CACHD1: variants seen among roughly 807,000 people sequenced by gnomAD.
CACHD1 encodes VWFA and cache domain-containing protein 1.
A neutral mutation model predicts 138.7 loss-of-function variants in CACHD1; 71 were observed. The observed-to-expected ratio is 0.51, with a 90% confidence interval of 0.42 to 0.62. The LOEUF (loss-of-function observed/expected upper bound fraction) is 0.62, where lower values mean the gene tolerates loss of function less well. Among genes scored for constraint, CACHD1 ranks in the 20% least tolerant of loss-of-function variants. The pLI is 0.00. For synonymous variants in CACHD1, 578 were observed against 591.5 expected (o/e 0.98, Z 0.33); for missense variants, 1,389 against 1,625.3 (o/e 0.85, Z 2.50).
chr1:64,603,296 G>C (rs1240086933), intron 4 of CACHD1, among the ~76,000 whole-genome samples: 3 of 151,726 alleles, frequency 2.0e-5, no homozygotes, highest in Admixed American at 2.0e-4. Flanking sequence ...AGTAGAGACG[G>C]GTTTTCACTG....
At position 64,520,423 on chromosome 1, in the gene CACHD1, A is replaced by G. The variant is rs1019004383; in HGVS notation, c.199-30171A>G. On this transcript the variant is annotated intron_variant, in intron 1 of 26. Transcript: ENST00000651257. ...TGGTGTTAATGAACATGGATGGTGG[A>G]AATATTTGCAGTGTGTCTTTCTGGA... Among the ~76,000 whole-genome samples the G allele has an allele frequency of 1.5e-4, 23 of 152,326 alleles. 3 individuals are homozygous for G. The highest frequency in any genetic ancestry group is 1.2e-3 in the Admixed American group (19 of 15,308).
At chr1:64,493,387 T>C (rs1646289261) in intron 1 of CACHD1, among the ~76,000 whole-genome samples, 1 of 152,196 alleles carries the variant, frequency 6.6e-6, no homozygotes, top group Non-Finnish European at 1.5e-5. Context: ...AAATATATAG[T>C]CGAGCACTTC....
intron 3 of CACHD1, among the ~76,000 whole-genome samples, chr1:64,588,230 G>T (rs1014288687): frequency 1.3e-5 from 2 of 152,026 alleles, no homozygotes; most frequent in African/African-American, 4.8e-5. Flanking sequence ...TCCCTGTTAT[G>T]CCAACTTAAA....
At chr1:64,676,531 C>T (rs1009130976) in intron 21 of CACHD1, among the ~76,000 whole-genome samples, 4 of 152,012 alleles carry the variant, frequency 2.6e-5, no homozygotes, top group African/African-American at 9.7e-5. Flanking sequence ...TGCAGTGGCG[C>T]GATCATGGCT....
chr1:64,499,250 T>C (rs1391402582), intron 1 of CACHD1, among the ~76,000 whole-genome samples: 3 of 152,226 alleles, frequency 2.0e-5, no homozygotes, highest in African/African-American at 4.8e-5. Flanking sequence ...CTGATTCTTA[T>C]CAGTTTTCTT....
At chr1:64,529,052 G>A (rs375447887) in intron 1 of CACHD1, among the ~76,000 whole-genome samples, 2 of 152,044 alleles carry the variant, frequency 1.3e-5, no homozygotes, top group South Asian at 2.1e-4. Context: ...TTGGAGAAAT[G>A]GGATTTGAAT....
At chr1:64,533,749 T>TCTCTC (rs10624761) in intron 1 of CACHD1, among the ~76,000 whole-genome samples, 456 of 50,946 alleles carry the variant, frequency 9.0e-3, no homozygotes, top group African/African-American at 0.015. Flanking sequence ...CTTCTCTCTC[T>TCTCTC]TTTTTTTTTT....
rs534598924 is a variant in CACHD1 at position 64,589,659 on chromosome 1, G to A, written c.410+7355G>A. Among the ~76,000 whole-genome samples the A allele has an allele frequency of 8.5e-5, 13 of 152,146 alleles. 1 individual carries two copies. In the South Asian group the frequency reaches 2.5e-3, roughly 29 times the overall value. ...GGAAATTTCTTCTTGCTTACAGAAC[G>A]TCTGTCATTGTTCTACTAAGTCCTT... is the stretch of plus-strand genomic sequence containing the variant. On this transcript the variant is annotated intron_variant, in intron 3 of 26. Transcript: ENST00000651257.
chr1:64,509,403 G>C (rs1225640511), intron 1 of CACHD1, among the ~76,000 whole-genome samples: 2 of 152,106 alleles, frequency 1.3e-5, no homozygotes, highest in African/African-American at 4.8e-5. Context: ...ATTGATGAAA[G>C]AGCACCATCT....
At chr1:64,572,284 A>G (rs1646932805) in intron 2 of CACHD1, among the ~76,000 whole-genome samples, 2 of 152,080 alleles carry the variant, frequency 1.3e-5, no homozygotes, top group South Asian at 2.1e-4. Flanking sequence ...TTTCCTTGTG[A>G]AGGAATAGAC....
At chr1:64,516,532 C>T (rs901899648) in intron 1 of CACHD1, among the ~76,000 whole-genome samples, 4 of 152,000 alleles carry the variant, frequency 2.6e-5, no homozygotes, top group Non-Finnish European at 5.9e-5. Flanking sequence ...GAGGCTGTCA[C>T]GTTGGAAAAA....
chr1:64,673,064 G>T, intron 17 of CACHD1, 94 bp from the exon 18 acceptor site: 2 of 1,038,230 alleles, frequency 1.9e-6, no homozygotes, highest in Non-Finnish European at 3.0e-6. Context: ...AATGCAGTTT[G>T]TTTCAGGGCT....
chr1:64,673,488 A>G, intron 19 of CACHD1, 24 bp downstream of exon 19: 2 of 1,537,588 alleles, frequency 1.3e-6, no homozygotes, highest in South Asian at 1.1e-5. Flanking sequence ...ATTCCTTAAC[A>G]CTCTCATTTT....
chr1:64,555,333 T>C (rs1285248799), intron 2 of CACHD1, among the ~76,000 whole-genome samples: 6 of 152,012 alleles, frequency 3.9e-5, no homozygotes, highest in African/African-American at 7.2e-5. Flanking sequence ...TTTAACTCAG[T>C]TTTTTAAAAA....
intron 12 of CACHD1, among the ~76,000 whole-genome samples, chr1:64,656,021 G>A (rs1649251115): frequency 6.6e-6 from 1 of 152,184 alleles, no homozygotes; most frequent in Admixed American, 6.5e-5. Flanking sequence ...AGTGGTGGAT[G>A]CAGACAAACA....
chr1:64,536,338 T>C (rs1646632379), intron 1 of CACHD1, among the ~76,000 whole-genome samples: 1 of 152,186 alleles, frequency 6.6e-6, no homozygotes, highest in Admixed American at 6.5e-5. Flanking sequence ...GAACCCATGC[T>C]CTTTCCACTA....
intron 2 of CACHD1, among the ~76,000 whole-genome samples, chr1:64,564,748 G>A (rs1007883498): frequency 6.6e-6 from 1 of 152,140 alleles, no homozygotes; most frequent in Admixed American, 6.5e-5. Flanking sequence ...GCCCTGGAAG[G>A]AGCTAGTAGA....
intron 1 of CACHD1, among the ~76,000 whole-genome samples, chr1:64,481,001 CT>C (rs1156743306): frequency 4.0e-5 from 6 of 151,832 alleles, no homozygotes; most frequent in Non-Finnish European, 7.4e-5. Flanking sequence ...ACCTTGCCCT[CT>C]TTTTTTCTGA....
chr1:64,668,574 G>A (rs143847952), intron 16 of CACHD1, among the ~76,000 whole-genome samples: 3 of 152,240 alleles, frequency 2.0e-5, no homozygotes, highest in Admixed American at 1.3e-4. Context: ...TTTACATCAT[G>A]GGTTGAACCT....
Sources: allele counts gnomAD v4.1 joint callset (sites outside exome capture counted in the v4.1 genomes callset), GRCh38; gene constraint gnomAD v4.1.1; transcripts MANE v1.5; gene names NCBI Gene and HGNC (gene_info 2026-07-23, HGNC 2026-07-21).